Variants in CEP128 observed in about 807,000 individuals in gnomAD.
The protein encoded by CEP128 is centrosomal protein 128, also known as centrosomal protein 128kDa.
A neutral mutation model predicts 156.7 loss-of-function variants in CEP128; 132 were observed. That is an observed-to-expected ratio of 0.84 (90% CI 0.73 to 0.97). CEP128 has a LOEUF of 0.97. Among genes scored for constraint, CEP128 ranks in the 50% least tolerant of loss-of-function variants. The pLI, the probability that CEP128 is intolerant of heterozygous loss-of-function variation, is 0.00. For missense variants in CEP128, 1,252 were observed against 1,281.9 expected (o/e 0.98, Z 0.36); for synonymous variants, 469 against 448.9 (o/e 1.04, Z -0.57).
intron 16 of CEP128, among the ~76,000 whole-genome samples, chr14:80,775,994 C>T (rs1217689179): frequency 6.6e-6 from 1 of 152,072 alleles, no homozygotes. Context: ...CCACCACACC[C>T]GGCTAATTTT....
intron 13 of CEP128, among the ~76,000 whole-genome samples, chr14:80,825,633 G>GA (rs1349984052): frequency 2.0e-5 from 3 of 151,920 alleles, no homozygotes; most frequent in Non-Finnish European, 4.4e-5. Context: ...ATACATTCAA[G>GA]AAAAAATTAA....
chr14:80,588,023 G>A (rs955069986), intron 19 of CEP128, among the ~76,000 whole-genome samples: 5 of 152,014 alleles, frequency 3.3e-5, no homozygotes, highest in Non-Finnish European at 7.4e-5. Flanking sequence ...CTTACTCTTT[G>A]ATCACCTCTT....
At chr14:80,484,826 C>T (rs1197582829) in intron 14 of CEP128, among the ~76,000 whole-genome samples, 2 of 151,632 alleles carry the variant, frequency 1.3e-5, no homozygotes, top group East Asian at 1.9e-4. Context: ...AACATTTAGC[C>T]TGAACATCTA....
intron 13 of CEP128, among the ~76,000 whole-genome samples, chr14:80,799,765 C>T (rs1190848167): frequency 1.3e-5 from 2 of 152,164 alleles, no homozygotes. Flanking sequence ...TGGGGAAAAA[C>T]TCTGCCCCTG....
intron 19 of CEP128, among the ~76,000 whole-genome samples, chr14:80,666,584 C>T (rs1895622774): frequency 6.6e-6 from 1 of 152,114 alleles, no homozygotes; most frequent in African/African-American, 2.4e-5. Flanking sequence ...AACACCATCA[C>T]TCATTCATTG....
chr14:80,520,853 C>T (rs998785780), intron 23 of CEP128, among the ~76,000 whole-genome samples: 25 of 152,104 alleles, frequency 1.6e-4, no homozygotes, highest in Non-Finnish European at 1.8e-4. Context: ...GATGGAGTCT[C>T]GCTCTGTCAC....
intron 20 of CEP128, among the ~76,000 whole-genome samples, chr14:80,567,359 G>A (rs1452643421): frequency 6.6e-6 from 1 of 152,108 alleles, no homozygotes; most frequent in Non-Finnish European, 1.5e-5. Context: ...AAGATGAAGA[G>A]AAAGATACAG....
intron 18 of CEP128, among the ~76,000 whole-genome samples, chr14:80,745,414 T>A (rs974021244): frequency 6.6e-6 from 1 of 152,120 alleles, no homozygotes; most frequent in African/African-American, 2.4e-5. Context: ...AATACAATGA[T>A]CAAGTGGAAG....
chr14:80,877,054 G>T (rs1025108072), intron 8 of CEP128, among the ~76,000 whole-genome samples: 2 of 152,152 alleles, frequency 1.3e-5, no homozygotes, highest in Non-Finnish European at 2.9e-5. Flanking sequence ...GGGGTTTATG[G>T]AGTTGAGGTG....
chr14:80,704,989 C>G (rs946369997), intron 19 of CEP128, among the ~76,000 whole-genome samples: 1 of 151,978 alleles, frequency 6.6e-6, no homozygotes, highest in Non-Finnish European at 1.5e-5. Flanking sequence ...TCCAATAAGT[C>G]TGAAGCAAAT....
intron 19 of CEP128, among the ~76,000 whole-genome samples, chr14:80,691,784 TA>T (rs1212511519): frequency 2.0e-5 from 3 of 152,184 alleles, no homozygotes; most frequent in Non-Finnish European, 4.4e-5. Context: ...AGATGATAAT[TA>T]AAACTAAATA....
chr14:80,728,490 G>A (rs1043784722), intron 19 of CEP128, among the ~76,000 whole-genome samples: 2 of 151,790 alleles, frequency 1.3e-5, no homozygotes, highest in Admixed American at 1.3e-4. Flanking sequence ...TAACAAATCT[G>A]CACATGTACC....
At chr14:80,567,644 A>G (rs760813013) in intron 20 of CEP128, among the ~76,000 whole-genome samples, 2 of 152,218 alleles carry the variant, frequency 1.3e-5, no homozygotes, top group Admixed American at 6.5e-5. Flanking sequence ...GAATATCACT[A>G]CAGACAAAAT....
At chr14:80,478,987 C>A (rs1472555995) in intron 14 of CEP128, among the ~76,000 whole-genome samples, 1 of 152,064 alleles carries the variant, frequency 6.6e-6, no homozygotes, top group Non-Finnish European at 1.5e-5. Context: ...GTGGATCAGG[C>A]CTAGATAGTA....
chr14:80,659,845 C>A (rs1273435730), intron 19 of CEP128, among the ~76,000 whole-genome samples: 2 of 152,018 alleles, frequency 1.3e-5, no homozygotes, highest in African/African-American at 4.8e-5. Flanking sequence ...TATGACATAC[C>A]ACCCATACTT....
intron 2 of CEP128, among the ~76,000 whole-genome samples, chr14:80,937,044 G>A (rs995128107): frequency 1.3e-5 from 2 of 152,100 alleles, no homozygotes; most frequent in African/African-American, 2.4e-5. Context: ...CGGGCCAGGC[G>A]CAGTGGCCCA....
chr14:80,779,902 A>G (rs893894702), intron 15 of CEP128, among the ~76,000 whole-genome samples: 2 of 152,212 alleles, frequency 1.3e-5, no homozygotes, highest in Non-Finnish European at 2.9e-5. Flanking sequence ...TGAGGCATAA[A>G]AAGGTGAAAT....
chr14:80,953,264 C>A (rs1328545795), intron 2 of CEP128, among the ~76,000 whole-genome samples: 1 of 152,176 alleles, frequency 6.6e-6, no homozygotes, highest in Non-Finnish European at 1.5e-5. Flanking sequence ...AGAATTTTAG[C>A]AAATCCAATG....
intron 4 of CEP128, among the ~76,000 whole-genome samples, chr14:80,913,971 T>C (rs1884400352): frequency 6.6e-6 from 1 of 152,204 alleles, no homozygotes; most frequent in South Asian, 2.1e-4. Flanking sequence ...TTTCATTTTT[T>C]GTTTTAACAA....
Sources: allele counts gnomAD v4.1 joint callset (sites outside exome capture counted in the v4.1 genomes callset), GRCh38; gene constraint gnomAD v4.1.1; transcripts MANE v1.5; gene names NCBI Gene and HGNC (gene_info 2026-07-23, HGNC 2026-07-21).